GOSR1: variants seen among roughly 807,000 people sequenced by gnomAD.
The protein encoded by GOSR1 is 28 kDa Golgi SNARE protein.
GOSR1 carries 21 observed loss-of-function variants against 35.5 expected under a neutral mutation model. The ratio of observed to expected loss-of-function variants is 0.59; its 90% CI spans 0.42 to 0.85. GOSR1 has a LOEUF of 0.85. Ranked by LOEUF, GOSR1 falls within the 40% of genes least tolerant of loss-of-function variation. The pLI, the probability that GOSR1 is intolerant of heterozygous loss-of-function variation, is 0.00. For synonymous variants in GOSR1, 94 were observed against 106.6 expected (o/e 0.88, Z 0.73); for missense variants, 285 against 309.6 (o/e 0.92, Z 0.60).
chr17:30,515,631 G>A (rs528821017), intron 7 of GOSR1, among the ~76,000 whole-genome samples: 5 of 152,338 alleles, frequency 3.3e-5, no homozygotes, highest in African/African-American at 1.2e-4. Flanking sequence ...TGCCCTCAGA[G>A]AGAGTGATCC....
chr17:30,513,050 G>A (rs965103825), intron 7 of GOSR1, among the ~76,000 whole-genome samples: 1 of 152,136 alleles, frequency 6.6e-6, no homozygotes, highest in Non-Finnish European at 1.5e-5. Flanking sequence ...GTTTCACTGA[G>A]TATAAAGCTA....
chr17:30,487,468 A>C (rs1212018078), intron 4 of GOSR1, among the ~76,000 whole-genome samples: 1 of 152,218 alleles, frequency 6.6e-6, no homozygotes, highest in Non-Finnish European at 1.5e-5. Context: ...AGAAATAAGA[A>C]AAAGACAGTA....
chr17:30,483,299 TATAGAATA>T (rs1330283323), intron 2 of GOSR1, among the ~76,000 whole-genome samples: 1 of 152,158 alleles, frequency 6.6e-6, no homozygotes, highest in East Asian at 1.9e-4. Context: ...ATACAATGAG[TATAGAATA>T]ACCAGTAGTA....
intron 1 of GOSR1, chr17:30,477,790 G>C: frequency 2.0e-6 from 2 of 985,338 alleles, no homozygotes. Flanking sequence ...GGGGCTTGGG[G>C]TACGAACTCT....
chr17:30,502,462 T>G (rs1043672760), intron 6 of GOSR1, among the ~76,000 whole-genome samples: 1 of 152,250 alleles, frequency 6.6e-6, no homozygotes, highest in African/African-American at 2.4e-5. Context: ...TATTTCTATA[T>G]GTCTAAAATT....
chr17:30,499,928 G>A lies in GOSR1; in HGVS notation c.509+7175G>A, dbSNP rs572095575. Among the ~76,000 whole-genome samples, 5 of 152,226 alleles carry A rather than the reference G, an allele frequency of 3.3e-5. No individual in the cohort carries two copies. In the East Asian group the frequency reaches 7.7e-4, roughly 23 times the overall value. ...CTTCAAGTGCTTATTAACCATTCAC[G>A]TATCTTCTTTTTTATTATTCACAAC... On this transcript the variant is annotated intron_variant, in intron 6 of 8. Coordinates refer to ENST00000451249, the MANE Select transcript of GOSR1 (RefSeq NM_001007025.2).
chr17:30,500,350 A>G (rs770527050), intron 6 of GOSR1, among the ~76,000 whole-genome samples: 3 of 152,086 alleles, frequency 2.0e-5, no homozygotes, highest in Non-Finnish European at 4.4e-5. Context: ...AACATCATAC[A>G]GTTTTAGCTT....
chr17:30,492,915 G>A (rs1292476592), intron 6 of GOSR1, among the ~76,000 whole-genome samples, 162 bp downstream of exon 6: 2 of 151,706 alleles, frequency 1.3e-5, no homozygotes, highest in East Asian at 1.9e-4. Flanking sequence ...AATTGCAACT[G>A]TTCCAACCAT....
chr17:30,516,166 C>T (rs915536502), intron 7 of GOSR1, among the ~76,000 whole-genome samples: 2 of 152,036 alleles, frequency 1.3e-5, no homozygotes, highest in African/African-American at 4.8e-5. Flanking sequence ...TTAAATAATA[C>T]TAAAACGGAT....
At chr17:30,494,488 C>T (rs1966918391) in intron 6 of GOSR1, among the ~76,000 whole-genome samples, 1 of 152,052 alleles carries the variant, frequency 6.6e-6, no homozygotes, top group Admixed American at 6.5e-5. Context: ...TAGATAATTT[C>T]TCTTTCTTTA....
At chr17:30,499,907 AAGTGCTTATT>A (rs1417667538) in intron 6 of GOSR1, among the ~76,000 whole-genome samples, 1 of 152,204 alleles carries the variant, frequency 6.6e-6, no homozygotes, top group Admixed American at 6.5e-5. Flanking sequence ...GCCTTCCTTC[AAGTGCTTATT>A]AACCATTCAC....
At chr17:30,479,605 T>G (rs1039554823) in intron 1 of GOSR1, 5 of 152,274 alleles carry the variant, frequency 3.3e-5, no homozygotes, top group Non-Finnish European at 7.3e-5. Context: ...GCCTTCCAGG[T>G]TCACGCCATT....
chr17:30,489,362 G>A (rs1307408789), intron 4 of GOSR1, among the ~76,000 whole-genome samples: 9 of 152,032 alleles, frequency 5.9e-5, no homozygotes, highest in African/African-American at 1.7e-4. Context: ...CAGCCTGAGC[G>A]ACAGAGCAAG....
intron 6 of GOSR1, among the ~76,000 whole-genome samples, chr17:30,507,890 CATT>C (rs755001025): frequency 2.0e-5 from 3 of 152,198 alleles, no homozygotes; most frequent in Non-Finnish European, 2.9e-5. Context: ...ACGCTGTAAA[CATT>C]GTTGAAATGA....
Position 30,523,412 on chromosome 17 carries a change from C to G in GOSR1, c.*1034C>G, listed in dbSNP as rs1270842242. ...CCCGTCTGAGAAGTGAGGAGACCTCCGCCCGGCAGCCGCCCTGTCTGAGAA... is the reference window on the plus strand; with the variant it reads ...CCCGTCTGAGAAGTGAGGAGACCTCGGCCCGGCAGCCGCCCTGTCTGAGAA... On this transcript the variant is annotated 3_prime_UTR_variant, in exon 9 of 9. Transcript: ENST00000451249. The G allele has an allele frequency of 5.9e-6, 1 of 170,706 alleles. No individual in the cohort carries two copies. The highest frequency in any genetic ancestry group is 1.2e-5 in the Non-Finnish European group (1 of 80,924). The allele number at this position is 170,706 out of a possible 1,614,324, so 10.6% of individuals were successfully genotyped here.
intron 6 of GOSR1, among the ~76,000 whole-genome samples, chr17:30,509,336 T>C (rs563144324): frequency 2.0e-5 from 3 of 149,698 alleles, no homozygotes. Context: ...GTCAAGAACT[T>C]CTGACCTCAT....
At chr17:30,520,194 A>G in intron 8 of GOSR1, 173 bp downstream of exon 8, 1 of 508,604 alleles carries the variant, frequency 2.0e-6, no homozygotes, top group Admixed American at 3.2e-5. Context: ...GCTCTTTAGT[A>G]CCATTCCTAA....
chr17:30,481,912 T>A (rs538513943), intron 2 of GOSR1, among the ~76,000 whole-genome samples: 1 of 152,200 alleles, frequency 6.6e-6, no homozygotes, highest in African/African-American at 2.4e-5. Context: ...GATGGATCAC[T>A]TGAGCCCAGG....
At chr17:30,516,528 C>T (rs1320765330) in intron 7 of GOSR1, among the ~76,000 whole-genome samples, 1 of 151,380 alleles carries the variant, frequency 6.6e-6, no homozygotes, top group Non-Finnish European at 1.5e-5. Flanking sequence ...CCATTCTTAA[C>T]CCCTGAAGCA....
Sources: gnomAD v4.1 joint callset for allele counts (sites outside exome capture counted in the v4.1 genomes callset) on GRCh38, gnomAD v4.1.1 for gene constraint, MANE v1.5 for transcripts, NCBI Gene and HGNC (gene_info 2026-07-23, HGNC 2026-07-21) for gene names.